UBAP2L: variants seen among roughly 807,000 people sequenced by gnomAD.
UBAP2L encodes the protein ubiquitin-associated protein 2-like.
UBAP2L carries 12 observed loss-of-function variants against 130.6 expected under a neutral mutation model. The ratio of observed to expected loss-of-function variants is 0.09; its 90% CI spans 0.06 to 0.15. UBAP2L has a LOEUF of 0.15. Among genes scored for constraint, UBAP2L ranks in the 10% least tolerant of loss-of-function variants. The pLI is 1.00. For missense variants in UBAP2L, 965 were observed against 1,332.5 expected (o/e 0.72, Z 4.29); for synonymous variants, 503 against 524.7 (o/e 0.96, Z 0.57).
chr1:154,269,470 CT>C, intron 26 of UBAP2L: 1 of 1,271,298 alleles, frequency 7.9e-7, no homozygotes. Context: ...CCCATTTCAC[CT>C]TCACAGCCTC....
At chr1:154,243,792 A>G (rs1370210527) in intron 10 of UBAP2L, among the ~76,000 whole-genome samples, 1 of 152,158 alleles carries the variant, frequency 6.6e-6, no homozygotes, top group Non-Finnish European at 1.5e-5. Flanking sequence ...AGTACTAGTT[A>G]ATCTGCTGAA....
chr1:154,260,351 T>C (rs1681130708), intron 22 of UBAP2L, among the ~76,000 whole-genome samples: 1 of 152,140 alleles, frequency 6.6e-6, no homozygotes, highest in Non-Finnish European at 1.5e-5. Context: ...CCAAAAAAAG[T>C]GATATCTTGA....
At chr1:154,258,916 C>A in intron 20 of UBAP2L, 61 bp from the exon 21 acceptor site, 1 of 1,414,192 alleles carries the variant, frequency 7.1e-7, no homozygotes. Context: ...TGTCTCTTGG[C>A]TCCTTGTTTT....
chr1:154,260,822 A>T (rs1681324788), intron 22 of UBAP2L, 70 bp from the exon 23 acceptor site: 1 of 1,444,566 alleles, frequency 6.9e-7, no homozygotes, highest in East Asian at 2.3e-5. Flanking sequence ...ATCATGTGAA[A>T]TCAGAAGAGG....
At position 154,251,516 on chromosome 1, in the gene UBAP2L, A is replaced by G; in HGVS notation, c.1527A>G (p.Ala509=). 6.2e-7 allele frequency: 1 copy of G among 1,614,034 alleles called. No homozygotes were observed. Among genetic ancestry groups the G allele is most frequent in the Non-Finnish European group, 8.5e-7 (1 of 1,180,000 alleles). The change falls in exon 14 of 27, where the codon GCA becomes GCG. Residue 509 remains alanine, a synonymous_variant. Transcript: ENST00000428931. ...TGGCTGTGGAGATGCCTGGCTCAGC[A>G]GATATCTCAGGGCTAAACCTGCAGT... The part of the protein sequence containing the change: ...PALAVEMPGS[A]DISGLNLQFG...
intron 18 of UBAP2L, 113 bp from the exon 19 acceptor site, chr1:154,256,950 A>T: frequency 7.8e-7 from 1 of 1,277,516 alleles, no homozygotes; most frequent in Non-Finnish European, 1.1e-6. Flanking sequence ...TGGCCTCTTT[A>T]ATTAGGAAGT....
chr1:154,266,400 C>G, intron 24 of UBAP2L, 101 bp from the exon 25 acceptor site: 1 of 1,267,592 alleles, frequency 7.9e-7, no homozygotes, highest in Middle Eastern at 1.9e-4. Context: ...AATTCCCTTG[C>G]ATTGGTATAG....
rs572407399 is a variant in UBAP2L at position 154,248,031 on chromosome 1, G to A, written c.1015-1208G>A. Among the ~76,000 whole-genome samples, 88 of 151,534 alleles carry A rather than the reference G, an allele frequency of 5.8e-4. No homozygotes were observed. The South Asian group carries it at 0.018, about 31-fold the overall frequency. On this transcript the variant is annotated intron_variant, in intron 11 of 26. Coordinates refer to ENST00000428931, the MANE Select transcript of UBAP2L (RefSeq NM_014847.4). ...TGCCTAGGCTGGAGTGCAATGGCGC[G>A]ATCTTGGCTCACCGCAACCTCCACC...
At chr1:154,249,520 T>G (rs1415914352) in intron 12 of UBAP2L, 83 bp downstream of exon 12, 4 of 1,568,020 alleles carry the variant, frequency 2.6e-6, no homozygotes, top group Non-Finnish European at 3.5e-6. Flanking sequence ...GGGTGGAGAA[T>G]GTGTCCTGAA....
intron 8 of UBAP2L, among the ~76,000 whole-genome samples, chr1:154,240,631 T>G (rs1235467934): frequency 6.6e-6 from 1 of 152,148 alleles, no homozygotes; most frequent in Non-Finnish European, 1.5e-5. Context: ...TGACTTCTGC[T>G]GAGTATGCAT....
At chr1:154,248,117 G>A (rs1458155857) in intron 11 of UBAP2L, among the ~76,000 whole-genome samples, 2 of 151,966 alleles carry the variant, frequency 1.3e-5, no homozygotes, top group African/African-American at 4.8e-5. Context: ...ACAGGCGCCC[G>A]CCACCACGCT....
chr1:154,235,528 G>A (rs955056353), intron 6 of UBAP2L, among the ~76,000 whole-genome samples: 2 of 151,604 alleles, frequency 1.3e-5, no homozygotes, highest in African/African-American at 2.4e-5. Flanking sequence ...AATTTTTTTT[G>A]AGATGGAGTC....
In UBAP2L at chr1:154,270,702, A is replaced by G; in HGVS notation, c.*407A>G. On this transcript the variant is annotated 3_prime_UTR_variant, in exon 27 of 27. Coordinates refer to ENST00000428931, the MANE Select transcript of UBAP2L (RefSeq NM_014847.4). ...TATTAGGAAAACAACAACAACAACAAACAAAAAAATGGCGTCATGAATATG... is the reference window on the plus strand; with the variant it reads ...TATTAGGAAAACAACAACAACAACAGACAAAAAAATGGCGTCATGAATATG... 1 of 1,414,658 alleles carries G rather than the reference A, an allele frequency of 7.1e-7. No individual in the cohort carries two copies. The highest frequency in any genetic ancestry group is 9.2e-7 in the Non-Finnish European group (1 of 1,090,936). 87.6% of individuals were successfully genotyped at this position (1,414,658 alleles called of 1,614,324 possible).
In UBAP2L at chr1:154,243,232, A is replaced by G. The variant is rs539612935; in HGVS notation, c.772A>G (p.Ile258Val). 334 of 1,611,670 alleles carry G rather than the reference A, an allele frequency of 2.1e-4. 4 individuals carry two copies. The South Asian group carries it at 3.3e-3, about 16-fold the overall frequency. The change falls in exon 10 of 27, where the codon ATC becomes GTC. Residue 258 changes from isoleucine (I) to valine (V), a missense_variant. Transcript: ENST00000428931. ...TGTTTTCCAGCTTTCTGAGACCAAG[A>G]TCTTCACTGCCTCTAATGTGTCTTC... is the stretch of plus-strand genomic sequence containing the variant. ...DWNEDLSETK[I>V]FTASNVSSVP...
At chr1:154,258,769 C>A in intron 20 of UBAP2L, 1 of 482,766 alleles carries the variant, frequency 2.1e-6, no homozygotes, top group Admixed American at 3.7e-5. Context: ...GTATTTAGCT[C>A]AAGGAAAGCT....
Position 154,261,703 on chromosome 1 carries a change from C to T in UBAP2L, c.2902+6C>T, listed in dbSNP as rs768646122. ...GTCTCATGGATACAACACTGGTAAGCTGACCTTGTCTCTGGCTCGGTGTTA... is the reference window on the plus strand; with the variant it reads ...GTCTCATGGATACAACACTGGTAAGTTGACCTTGTCTCTGGCTCGGTGTTA... On this transcript the variant is annotated splice_donor_region_variant and intron_variant, in intron 24 of 26. Coordinates refer to ENST00000428931, the MANE Select transcript of UBAP2L (RefSeq NM_014847.4). The T allele has an allele frequency of 6.2e-7, 1 of 1,613,524 alleles. No individual in the cohort carries two copies. Among genetic ancestry groups the T allele is most frequent in the African/African-American group, 1.3e-5 (1 of 74,996 alleles).
rs1683269043 is a variant in UBAP2L at position 154,266,482 on chromosome 1, C to G, written c.2903-19C>G. On this transcript the variant is annotated intron_variant, in intron 24 of 26. Coordinates refer to ENST00000428931, the MANE Select transcript of UBAP2L (RefSeq NM_014847.4). ...TAGCTAGCTGAGCTAATCCTCCTGTCTGTTTCCTCCTCCCCCAGGTGTTTC... is the reference window on the plus strand; with the variant it reads ...TAGCTAGCTGAGCTAATCCTCCTGTGTGTTTCCTCCTCCCCCAGGTGTTTC... 6.2e-7 allele frequency: 1 copy of G among 1,613,962 alleles called. No homozygotes were observed. The highest frequency in any genetic ancestry group is 1.7e-5 in the Admixed American group (1 of 60,026).
intron 11 of UBAP2L, among the ~76,000 whole-genome samples, chr1:154,247,964 ATTTATTT>A (rs1434905337): frequency 6.7e-6 from 1 of 149,972 alleles, no homozygotes; most frequent in Non-Finnish European, 1.5e-5. Flanking sequence ...TTTATTTTTT[ATTTATTT>A]TTTATTTTTT....
rs1422176854 is a variant in UBAP2L, at chr1:154,246,387, A to G, written c.1014+12A>G. 1 of 1,607,260 alleles carries G rather than the reference A, an allele frequency of 6.2e-7. No individual in the cohort carries two copies. Among genetic ancestry groups the G allele is most frequent in the Non-Finnish European group, 8.5e-7 (1 of 1,175,420 alleles). On this transcript the variant is annotated intron_variant, in intron 11 of 26. Coordinates refer to ENST00000428931, the MANE Select transcript of UBAP2L (RefSeq NM_014847.4). Reference sequence around the variant, plus strand: ...CTCATCACAGTATGGTGAGTAGGAAACGTGGTTTATCCTAATCAAACCTTC... The same window carrying G: ...CTCATCACAGTATGGTGAGTAGGAAGCGTGGTTTATCCTAATCAAACCTTC...
Sources: allele counts gnomAD v4.1 joint callset (sites outside exome capture counted in the v4.1 genomes callset), GRCh38; gene constraint gnomAD v4.1.1; transcripts MANE v1.5; gene names NCBI Gene and HGNC (gene_info 2026-07-23, HGNC 2026-07-21).